The following IKBIP variants were observed in gnomAD, a reference collection of about 807,000 sequenced individuals.
The protein encoded by IKBIP is IKBKB interacting protein.
Under a neutral mutation model 31.0 loss-of-function variants are expected in IKBIP, and 28 were observed. The observed-to-expected ratio is 0.90, with a 90% CI of 0.67 to 1.24. The LOEUF is 1.24. IKBIP is among the 50% of genes most tolerant of loss of function. IKBIP has a pLI of 0.00. For missense variants in IKBIP, 453 were observed against 441.9 expected (o/e 1.03, Z -0.23); for synonymous variants, 164 against 160.3 (o/e 1.02, Z -0.17).
At chr12:98,643,981 G>A (rs1274771184) in intron 1 of IKBIP, among the ~76,000 whole-genome samples, 1 of 151,940 alleles carries the variant, frequency 6.6e-6, no homozygotes, top group Admixed American at 6.6e-5. Flanking sequence ...ACGCCCGGCT[G>A]ATTATTCGTA....
chr12:98,613,760 C>G (rs201420285), exon 3 of IKBIP: 3 of 1,611,526 alleles, frequency 1.9e-6, no homozygotes, highest in South Asian at 2.2e-5. Flanking sequence ...TGGTTCTAAA[C>G]GGGAAAAGTC....
At chr12:98,636,001 C>T (rs2097625449) in intron 1 of IKBIP, among the ~76,000 whole-genome samples, 2 of 152,252 alleles carry the variant, frequency 1.3e-5, no homozygotes, top group South Asian at 4.1e-4. Context: ...AAATCAACAT[C>T]TGTTTATACA....
At chr12:98,622,387 C>T (rs111494961), downstream of IKBIP, among the ~76,000 whole-genome samples, 4,266 of 152,090 alleles carry the variant, frequency 0.028, 208 homozygotes, top group African/African-American at 0.095. Flanking sequence ...CTTGGCATGG[C>T]GGTGTGCACC....
rs781655092 is a variant in IKBIP at position 98,644,607 on chromosome 12, GC to G, written c.94del (p.Ala32ProfsTer16). On this transcript the variant is annotated frameshift_variant, in exon 1 of 3. Coordinates refer to ENST00000299157, the MANE Select transcript of IKBIP (RefSeq NM_153687.4). LOFTEE classifies it high-confidence loss of function. ...KRSEGGKTPV[A>X]RSSGGGGWAD... ...CCAGCCCCCGCCTCCGCTGCTCCGG[GC>G]CACGGGGGTCTTCCCGCCCTCGCTC... 1.8e-5 allele frequency: 29 copies of G among 1,609,878 alleles called. No individual in the cohort carries two copies. Among genetic ancestry groups the G allele is most frequent in the Non-Finnish European group, 2.4e-5 (28 of 1,178,820 alleles).
rs765309528 is a variant in IKBIP at position 98,644,612 on chromosome 12, G to C, written c.90C>G (p.Pro30=). The change falls in exon 1 of 3, where the codon CCC becomes CCG. Residue 30 remains proline, a synonymous_variant. Coordinates refer to ENST00000299157, the MANE Select transcript of IKBIP (RefSeq NM_153687.4). ...CCCCGCCTCCGCTGCTCCGGGCCAC[G>C]GGGGTCTTCCCGCCCTCGCTCCGCT... ...PGKRSEGGKT[P]VARSSGGGGW... is the part of the protein sequence containing the mutation. 9 of 1,610,184 alleles carry C rather than the reference G, an allele frequency of 5.6e-6. No homozygotes were observed. Among genetic ancestry groups the C allele is most frequent in the South Asian group, 2.2e-5 (2 of 90,972 alleles).
intron 2 of IKBIP, among the ~76,000 whole-genome samples, chr12:98,616,641 T>A (rs1232242588): frequency 6.6e-6 from 1 of 152,198 alleles, no homozygotes; most frequent in Non-Finnish European, 1.5e-5. Context: ...AGTCTTTAAT[T>A]CATTTTGAAT....
chr12:98,637,980 C>T (rs532400223), intron 1 of IKBIP, among the ~76,000 whole-genome samples: 28 of 152,244 alleles, frequency 1.8e-4, no homozygotes, highest in Non-Finnish European at 3.5e-4. Context: ...GGGGCATATT[C>T]TAGTGAGAGC....
intron 2 of IKBIP, among the ~76,000 whole-genome samples, chr12:98,627,194 G>A (rs2097615320): frequency 6.6e-6 from 1 of 151,020 alleles, no homozygotes; most frequent in East Asian, 2.0e-4. Context: ...GTCTTGAACT[G>A]TTGACCTTTA....
At chr12:98,643,015 C>T (rs577845878) in intron 1 of IKBIP, among the ~76,000 whole-genome samples, 5 of 151,966 alleles carry the variant, frequency 3.3e-5, no homozygotes, top group Admixed American at 6.6e-5. Context: ...TGCAATGGCA[C>T]GATCCCAGCT....
At chr12:98,622,388 G>C (rs988280834), downstream of IKBIP, among the ~76,000 whole-genome samples, 2 of 152,072 alleles carry the variant, frequency 1.3e-5, no homozygotes, top group African/African-American at 4.8e-5. Flanking sequence ...TTGGCATGGC[G>C]GTGTGCACCT....
chr12:98,642,015 T>C (rs1252354750), intron 1 of IKBIP, among the ~76,000 whole-genome samples: 1 of 152,168 alleles, frequency 6.6e-6, no homozygotes, highest in Non-Finnish European at 1.5e-5. Context: ...TCAAATTAAA[T>C]CTTCCTAATG....
chr12:98,620,574 C>A (rs1230481025), downstream of IKBIP, among the ~76,000 whole-genome samples: 1 of 151,810 alleles, frequency 6.6e-6, no homozygotes, highest in Non-Finnish European at 1.5e-5. Context: ...ACCATGTTGG[C>A]CAGGATGGTC....
At chr12:98,623,560 CTTTTTTTTTT>C (rs35433597), downstream of IKBIP, among the ~76,000 whole-genome samples, 12 of 64,194 alleles carry the variant, frequency 1.9e-4, no homozygotes, top group Admixed American at 1.2e-3. Flanking sequence ...CCTCCTTACA[CTTTTTTTTTT>C]TTTTTTTTTT....
chr12:98,628,594 T>C (rs548680484), intron 2 of IKBIP, among the ~76,000 whole-genome samples: 1 of 152,330 alleles, frequency 6.6e-6, no homozygotes, highest in East Asian at 1.9e-4. Flanking sequence ...GTAGCACCTA[T>C]TACACATATA....
At chr12:98,616,164 T>G (rs2097606187) in intron 2 of IKBIP, among the ~76,000 whole-genome samples, 1 of 152,158 alleles carries the variant, frequency 6.6e-6, no homozygotes, top group Non-Finnish European at 1.5e-5. Context: ...TTATCTTTTG[T>G]CTTTTTGATA....
chr12:98,619,879 A>C (rs1489905337), downstream of IKBIP, among the ~76,000 whole-genome samples: 1 of 150,362 alleles, frequency 6.7e-6, no homozygotes, highest in African/African-American at 2.4e-5. Context: ...CTCAGAAAAA[A>C]AAAAAAAAAA....
chr12:98,630,572 C>T (rs1288295739), intron 2 of IKBIP, among the ~76,000 whole-genome samples: 2 of 151,968 alleles, frequency 1.3e-5, no homozygotes, highest in Non-Finnish European at 2.9e-5. Flanking sequence ...TTCATTACAA[C>T]GTAGATGAGA....
intron 1 of IKBIP, among the ~76,000 whole-genome samples, chr12:98,641,422 A>C (rs2097630341): frequency 1.3e-5 from 2 of 152,228 alleles, no homozygotes; most frequent in Admixed American, 1.3e-4. Context: ...TCAAAATTCT[A>C]GTGAGCTTTT....
chr12:98,638,565 G>A (rs1323835790), intron 1 of IKBIP, among the ~76,000 whole-genome samples: 1 of 150,296 alleles, frequency 6.7e-6, no homozygotes, highest in Non-Finnish European at 1.5e-5. Context: ...GTGAGCCAGA[G>A]CACCCAGCCA....
Sources: gnomAD v4.1 joint callset for allele counts (sites outside exome capture counted in the v4.1 genomes callset) on GRCh38, gnomAD v4.1.1 for gene constraint, MANE v1.5 for transcripts, NCBI Gene and HGNC (gene_info 2026-07-23, HGNC 2026-07-21) for gene names.